Variants in CRPPA observed in about 807,000 individuals in gnomAD.
CRPPA encodes D-ribitol-5-phosphate cytidylyltransferase.
Under a neutral mutation model 52.0 loss-of-function variants are expected in CRPPA, and 43 were observed. The observed-to-expected ratio is 0.83, with a 90% CI of 0.65 to 1.07. CRPPA has a LOEUF of 1.07. Ranked by LOEUF, CRPPA falls within the 50% of genes least tolerant of loss-of-function variation. The pLI, the probability that CRPPA is intolerant of heterozygous loss-of-function variation, is 0.00. For synonymous variants in CRPPA, 250 were observed against 203.5 expected (o/e 1.23, Z -1.94); for missense variants, 629 against 551.7 (o/e 1.14, Z -1.40).
chr7:16,161,785 G>A (rs59951504), intron 9 of CRPPA, among the ~76,000 whole-genome samples: 5,722 of 152,196 alleles, frequency 0.038, 337 homozygotes, highest in East Asian at 0.3. Context: ...TGTACCCCTG[G>A]TAGAAATCAG....
intron 3 of CRPPA, among the ~76,000 whole-genome samples, chr7:16,351,472 C>A (rs987931077): frequency 1.3e-5 from 2 of 151,992 alleles, no homozygotes; most frequent in South Asian, 2.1e-4. Flanking sequence ...AGTGAACAGG[C>A]AACCTACAGA....
At chr7:16,239,493 G>T (rs574680814) in intron 8 of CRPPA, among the ~76,000 whole-genome samples, 1 of 129,150 alleles carries the variant, frequency 7.7e-6, no homozygotes, top group African/African-American at 2.9e-5. Flanking sequence ...TTCCATCTTT[G>T]TAAAGAAATA....
chr7:16,226,440 A>AT (rs200951679), intron 8 of CRPPA, among the ~76,000 whole-genome samples: 13 of 151,290 alleles, frequency 8.6e-5, no homozygotes, highest in Non-Finnish European at 1.6e-4. Context: ...TTTTGAACAG[A>AT]TTTTTTTTTC....
intron 3 of CRPPA, among the ~76,000 whole-genome samples, chr7:16,347,317 C>T (rs541250385): frequency 1.4e-4 from 21 of 152,242 alleles, no homozygotes; most frequent in African/African-American, 4.8e-4. Flanking sequence ...AGTCTTATTG[C>T]ATTATCAAAA....
chr7:16,104,240 C>T (rs1782104201), intron 9 of CRPPA, among the ~76,000 whole-genome samples: 1 of 152,132 alleles, frequency 6.6e-6, no homozygotes, highest in Non-Finnish European at 1.5e-5. Flanking sequence ...TTTTTATCAG[C>T]CTTAGTTAGC....
intron 9 of CRPPA, among the ~76,000 whole-genome samples, chr7:16,109,226 A>G (rs1782212557): frequency 6.6e-6 from 1 of 151,924 alleles, no homozygotes; most frequent in Non-Finnish European, 1.5e-5. Context: ...ATGAAAAAGG[A>G]CACATTACAA....
intron 3 of CRPPA, among the ~76,000 whole-genome samples, chr7:16,355,910 A>C (rs1162841360): frequency 6.6e-6 from 1 of 152,198 alleles, no homozygotes; most frequent in Non-Finnish European, 1.5e-5. Context: ...TGATTACCCC[A>C]TATCACTGCA....
chr7:16,090,039 C>G lies in CRPPA; in HGVS notation c.*1656G>C, dbSNP rs1198160772. 1 of 152,892 alleles carries G rather than the reference C, an allele frequency of 6.5e-6. No individual in the cohort carries two copies. The highest frequency in any genetic ancestry group is 2.4e-5 in the African/African-American group (1 of 41,422). The allele number at this position is 152,892 out of a possible 1,614,324, so 9.5% of individuals were successfully genotyped here. A position where few individuals can be genotyped will look rare whatever the true frequency, so the allele number is the denominator to read the frequency against. ...GACTTGGCAGCTGTGGTTTTCGTCA[C>G]ACACACAGCCGACATCTGAACAAAG... On this transcript the variant is annotated 3_prime_UTR_variant, in exon 10 of 10. Transcript: ENST00000407010.
At chr7:16,398,005 G>T (rs1359940670) in intron 2 of CRPPA, among the ~76,000 whole-genome samples, 1 of 152,206 alleles carries the variant, frequency 6.6e-6, no homozygotes, top group Non-Finnish European at 1.5e-5. Context: ...ACATGTGACT[G>T]ATGTGATTGA....
intron 8 of CRPPA, among the ~76,000 whole-genome samples, chr7:16,219,007 C>T (rs1011135533): frequency 8.2e-4 from 125 of 152,246 alleles, no homozygotes; most frequent in African/African-American, 2.9e-3. Flanking sequence ...CAGCACCACA[C>T]CAAACCTATT....
At chr7:16,397,929 G>T (rs183599842) in intron 2 of CRPPA, among the ~76,000 whole-genome samples, 2,352 of 152,290 alleles carry the variant, frequency 0.015, 58 homozygotes, top group African/African-American at 0.049. Flanking sequence ...CAACTGGCAG[G>T]TGATTGACAC....
intron 6 of CRPPA, among the ~76,000 whole-genome samples, chr7:16,268,573 T>G (rs1784015246): frequency 6.6e-6 from 1 of 152,192 alleles, no homozygotes; most frequent in African/African-American, 2.4e-5. Flanking sequence ...TTGTTTAGCT[T>G]AGAGGTTCAA....
chr7:16,261,595 ATT>A (rs11448646), intron 6 of CRPPA, among the ~76,000 whole-genome samples: 1 of 149,120 alleles, frequency 6.7e-6, no homozygotes, highest in African/African-American at 2.5e-5. Context: ...TTTTGGAGCA[ATT>A]TTTTTTTTTA....
At chr7:16,237,528 G>T (rs946116671) in intron 8 of CRPPA, 1 of 152,092 alleles carries the variant, frequency 6.6e-6, no homozygotes, top group African/African-American at 2.4e-5. Flanking sequence ...TCATTATGGG[G>T]GTTAACCATA....
chr7:16,142,151 C>T lies in CRPPA; in HGVS notation c.1252-50352G>A, dbSNP rs944415686. Among the ~76,000 whole-genome samples, 12 of 152,306 alleles carry T rather than the reference C, an allele frequency of 7.9e-5. No homozygotes were observed. In the East Asian group the frequency reaches 2.3e-3, roughly 29 times the overall value. ...AAAGGGGCATCTAAGAGCTCTGCCA[C>T]AGATACGGACTGGCTTCTACATTTG... is the stretch of plus-strand genomic sequence containing the variant. On this transcript the variant is annotated intron_variant, in intron 9 of 9. Coordinates refer to ENST00000407010, the MANE Select transcript of CRPPA (RefSeq NM_001101426.4).
intron 9 of CRPPA, among the ~76,000 whole-genome samples, chr7:16,175,429 G>A (rs1050972943): frequency 6.6e-6 from 1 of 152,046 alleles, no homozygotes; most frequent in African/African-American, 2.4e-5. Flanking sequence ...TCAAGGGAGT[G>A]AATATCTATT....
At chr7:16,183,735 A>G (rs1781453798) in intron 9 of CRPPA, among the ~76,000 whole-genome samples, 1 of 152,060 alleles carries the variant, frequency 6.6e-6, no homozygotes, top group Non-Finnish European at 1.5e-5. Context: ...CATTTATTAC[A>G]TACAATTCTG....
At chr7:16,302,257 C>T (rs1784804462) in intron 4 of CRPPA, among the ~76,000 whole-genome samples, 2 of 136,226 alleles carry the variant, frequency 1.5e-5, no homozygotes, top group Admixed American at 1.7e-4. Flanking sequence ...GATTGCGCCA[C>T]TGCACTCCAG....
intron 6 of CRPPA, among the ~76,000 whole-genome samples, chr7:16,265,326 T>C (rs1783925438): frequency 6.6e-6 from 1 of 152,214 alleles, no homozygotes; most frequent in Non-Finnish European, 1.5e-5. Flanking sequence ...ACCAAGGTTC[T>C]GAGACATTGC....
Sources: gnomAD v4.1 joint callset for allele counts (sites outside exome capture counted in the v4.1 genomes callset) on GRCh38, gnomAD v4.1.1 for gene constraint, MANE v1.5 for transcripts, NCBI Gene and HGNC (gene_info 2026-07-23, HGNC 2026-07-21) for gene names.